Variants in CNTN5 observed in about 807,000 individuals in gnomAD.
CNTN5 encodes the protein contactin 5.
Under a neutral mutation model 129.1 loss-of-function variants are expected in CNTN5, and 77 were observed. The ratio of observed to expected loss-of-function variants is 0.60; its 90% CI spans 0.50 to 0.72. CNTN5 has a LOEUF of 0.72. CNTN5 is among the 30% of genes least tolerant of loss of function. The pLI is 0.00. For missense variants in CNTN5, 1,478 were observed against 1,328.8 expected (o/e 1.11, Z -1.75); for synonymous variants, 509 against 465.6 (o/e 1.09, Z -1.20).
chr11:100,330,502 AG>A (rs1951883993), intron 21 of CNTN5, among the ~76,000 whole-genome samples: 1 of 149,830 alleles, frequency 6.7e-6, no homozygotes, highest in Non-Finnish European at 1.5e-5. Context: ...CATCACAAAA[AG>A]ATCATCACCT....
intron 1 of CNTN5, among the ~76,000 whole-genome samples, chr11:99,110,672 GC>G (rs1171412705): frequency 6.6e-6 from 1 of 152,090 alleles, no homozygotes; most frequent in African/African-American, 2.4e-5. Context: ...TACTCTAGAA[GC>G]TTTTATAAAA....
chr11:99,060,228 A>T (rs1864817604), intron 1 of CNTN5, among the ~76,000 whole-genome samples: 1 of 152,186 alleles, frequency 6.6e-6, no homozygotes, highest in South Asian at 2.1e-4. Context: ...AGACAACAAT[A>T]ACAGTAAGTC....
intron 3 of CNTN5, among the ~76,000 whole-genome samples, chr11:99,636,385 T>TC (rs1491429833): frequency 6.4e-4 from 13 of 20,448 alleles, no homozygotes; most frequent in East Asian, 1.0e-3. Flanking sequence ...TTTTTTTTTC[T>TC]TTTTTTTTGT....
rs191385411 is a variant in CNTN5, at chr11:99,081,251, C to G, written c.-210+59981C>G. Among the ~76,000 whole-genome samples the G allele has an allele frequency of 5.3e-5, 8 of 152,154 alleles. No homozygotes were observed. The East Asian group carries it at 1.5e-3, about 29-fold the overall frequency. On this transcript the variant is annotated intron_variant, in intron 1 of 24. Coordinates refer to ENST00000524871, the MANE Select transcript of CNTN5 (RefSeq NM_014361.4). Reference sequence around the variant, plus strand: ...ATAAATCCCTTTTTTGCAGCCTCTTCGATATGTTTAGTGCTTTTTATTGAG... The same window carrying G: ...ATAAATCCCTTTTTTGCAGCCTCTTGGATATGTTTAGTGCTTTTTATTGAG...
At chr11:100,240,652 A>G (rs553337549) in intron 16 of CNTN5, among the ~76,000 whole-genome samples, 52 of 152,304 alleles carry the variant, frequency 3.4e-4, no homozygotes, top group African/African-American at 1.3e-3. Flanking sequence ...ATCATGAAAC[A>G]TGTCTTGTAG....
At chr11:100,115,133 A>AG (rs1265091969) in intron 13 of CNTN5, among the ~76,000 whole-genome samples, 1 of 150,870 alleles carries the variant, frequency 6.6e-6, no homozygotes, top group South Asian at 2.1e-4. Flanking sequence ...AAAAAAAAAA[A>AG]AAAAAAGAAA....
intron 3 of CNTN5, among the ~76,000 whole-genome samples, chr11:99,595,718 A>G (rs1950105693): frequency 6.6e-6 from 1 of 151,694 alleles, no homozygotes; most frequent in Non-Finnish European, 1.5e-5. Context: ...ATGAATCTCA[A>G]TTTTTATAAT....
intron 13 of CNTN5, among the ~76,000 whole-genome samples, chr11:100,135,681 T>C (rs1946500021): frequency 6.6e-6 from 1 of 152,160 alleles, no homozygotes; most frequent in Admixed American, 6.6e-5. Context: ...AAGAGTAAAA[T>C]CACCATGAGT....
chr11:99,088,028 T>C (rs1360005559), intron 1 of CNTN5, among the ~76,000 whole-genome samples: 1 of 152,178 alleles, frequency 6.6e-6, no homozygotes, highest in Non-Finnish European at 1.5e-5. Flanking sequence ...CCACAAAATA[T>C]ATGTGGCTAA....
intron 6 of CNTN5, among the ~76,000 whole-genome samples, chr11:99,868,657 G>A (rs1293827050): frequency 1.3e-5 from 2 of 152,152 alleles, no homozygotes; most frequent in Non-Finnish European, 2.9e-5. Flanking sequence ...TGAAAGAGGC[G>A]AAAAGGGAGT....
intron 3 of CNTN5, among the ~76,000 whole-genome samples, chr11:99,766,607 G>T (rs1459649362): frequency 6.6e-6 from 1 of 151,954 alleles, no homozygotes; most frequent in Non-Finnish European, 1.5e-5. Flanking sequence ...AGACCACACT[G>T]TTTGCCAAAC....
intron 2 of CNTN5, among the ~76,000 whole-genome samples, chr11:99,502,835 A>C (rs1565236803): frequency 6.6e-6 from 1 of 152,168 alleles, no homozygotes; most frequent in Admixed American, 6.5e-5. Context: ...TGCCAAAGGC[A>C]CTTCAAACTC....
At chr11:100,074,008 C>T (rs1005193869) in intron 12 of CNTN5, 136 bp from the exon 13 acceptor site, 1 of 727,918 alleles carries the variant, frequency 1.4e-6, no homozygotes, top group Non-Finnish European at 2.2e-6. Flanking sequence ...GAGCTACTGC[C>T]TTTTTCATGT....
chr11:99,170,500 G>T (rs573394619), intron 1 of CNTN5, among the ~76,000 whole-genome samples: 69 of 152,202 alleles, frequency 4.5e-4, no homozygotes, highest in African/African-American at 1.5e-3. Context: ...TAAATGATCT[G>T]TAAGATTGCT....
chr11:99,036,996 A>G (rs1331043385), intron 1 of CNTN5, among the ~76,000 whole-genome samples: 1 of 152,154 alleles, frequency 6.6e-6, no homozygotes, highest in African/African-American at 2.4e-5. Context: ...AAGAAATAAA[A>G]TGCATATCTG....
intron 2 of CNTN5, among the ~76,000 whole-genome samples, chr11:99,393,981 TCAGG>T (rs756819626): frequency 2.9e-4 from 44 of 151,814 alleles, no homozygotes; most frequent in Non-Finnish European, 6.2e-4. Context: ...AAGCAAGTTC[TCAGG>T]CAAATTCTCA....
intron 3 of CNTN5, among the ~76,000 whole-genome samples, chr11:99,753,241 G>A (rs986476924): frequency 6.9e-6 from 1 of 145,826 alleles, no homozygotes; most frequent in African/African-American, 2.5e-5. Flanking sequence ...TCCTGCCTCA[G>A]CCTCCCGAGT....
At chr11:99,827,337 C>T (rs554702896) in intron 4 of CNTN5, among the ~76,000 whole-genome samples, 3 of 152,296 alleles carry the variant, frequency 2.0e-5, no homozygotes, top group Admixed American at 6.5e-5. Context: ...GATCCACGCA[C>T]CTTGACCTCC....
At chr11:99,290,609 A>C in intron 1 of CNTN5, among the ~76,000 whole-genome samples, 1 of 151,892 alleles carries the variant, frequency 6.6e-6, no homozygotes, top group East Asian at 1.9e-4. Context: ...GAAGTGCATT[A>C]CTTTTCTAGC....
Sources: allele counts gnomAD v4.1 joint callset (sites outside exome capture counted in the v4.1 genomes callset), GRCh38; gene constraint gnomAD v4.1.1; transcripts MANE v1.5; gene names NCBI Gene and HGNC (gene_info 2026-07-23, HGNC 2026-07-21).